The following GBF1 variants were observed in gnomAD, a reference collection of about 807,000 sequenced individuals.
GBF1 encodes the protein golgi brefeldin A resistant guanine nucleotide exchange factor 1.
GBF1 carries 114 observed loss-of-function variants against 210.5 expected under a neutral mutation model. The observed-to-expected ratio is 0.54, with a 90% CI of 0.47 to 0.63. The LOEUF (loss-of-function observed/expected upper bound fraction) is 0.63. GBF1 is among the 30% of genes least tolerant of loss of function. The probability of loss-of-function intolerance (pLI) is 0.00; values close to 1 mark genes in which losing one functional copy is unlikely to be tolerated. For missense variants in GBF1, 1,851 were observed against 2,357.7 expected, an observed-to-expected ratio of 0.79 and a Z score of 4.45; for synonymous variants, 850 against 889.2, an observed-to-expected ratio of 0.96 and a Z score of 0.78.
chr10:102,272,684 A>G (rs1362438844), intron 3 of GBF1, among the ~76,000 whole-genome samples: 1 of 152,212 alleles, frequency 6.6e-6, no homozygotes, highest in African/African-American at 2.4e-5. Flanking sequence ...GTAAAGAACT[A>G]TTTTCCCTCA....
chr10:102,305,175 TTGTGTG>T (rs60026956), intron 3 of GBF1, among the ~76,000 whole-genome samples: 15,581 of 139,490 alleles, frequency 0.11, 910 homozygotes, highest in East Asian at 0.2. Context: ...ATATGCAGAT[TTGTGTG>T]TGTGTGTGTG....
In GBF1 at chr10:102,382,142, AC is replaced by A; in HGVS notation, c.5394del (p.Asp1799ThrfsTer11). ...VASSPSRLSP[T>X]PDGPPPLAQP... is the part of the protein sequence containing the mutation. ...CTCAAGCCCCAGCAGGCTGAGCCCC[AC>A]CCCCGACGGGCCTCCACCCTTGGCT... On this transcript the variant is annotated frameshift_variant, in exon 40 of 40. Transcript: ENST00000369983. LOFTEE classifies it high-confidence loss of function. 6.2e-7 allele frequency: 1 copy of A among 1,610,710 alleles called. No individual in the cohort carries two copies. Among genetic ancestry groups the A allele is most frequent in the Non-Finnish European group, 8.5e-7 (1 of 1,178,026 alleles).
chr10:102,256,798 C>T (rs1305557065), intron 1 of GBF1, among the ~76,000 whole-genome samples: 1 of 152,140 alleles, frequency 6.6e-6, no homozygotes, highest in African/African-American at 2.4e-5. Context: ...AGGCATGAGC[C>T]ACAGTGCCCG....
At chr10:102,381,331 G>A (rs2060833581) in intron 39 of GBF1, 76 bp downstream of exon 39, 30 of 1,484,602 alleles carry the variant, frequency 2.0e-5, no homozygotes, top group Non-Finnish European at 2.8e-5. Flanking sequence ...AGGGGGCGTG[G>A]GAATGCTGCT....
chr10:102,382,678 A>C lies in GBF1; in HGVS notation c.*342A>C. 4.1e-6 allele frequency: 1 copy of C among 242,842 alleles called. No individual in the cohort carries two copies. 15.0% of individuals were successfully genotyped at this position (242,842 alleles called of 1,614,324 possible). On this transcript the variant is annotated 3_prime_UTR_variant, in exon 40 of 40. Transcript: ENST00000369983. Reference sequence around the variant, plus strand: ...GGTCAGGCATTGAAAACTAAGCCCAACCACTCTGCACTTTGTTTCCCACTC... The same window carrying C: ...GGTCAGGCATTGAAAACTAAGCCCACCCACTCTGCACTTTGTTTCCCACTC...
At chr10:102,376,850 A>G (rs1436232124) in intron 32 of GBF1, 50 bp downstream of exon 32, 15 of 1,609,818 alleles carry the variant, frequency 9.3e-6, no homozygotes, top group Non-Finnish European at 1.2e-5. Flanking sequence ...GCAATTATGC[A>G]GGGGAGAGGC....
intron 3 of GBF1, among the ~76,000 whole-genome samples, chr10:102,342,856 A>C (rs929190116): frequency 2.6e-5 from 4 of 152,196 alleles, no homozygotes; most frequent in Admixed American, 6.6e-5. Flanking sequence ...GAGTAAGTAC[A>C]GTGTAGTATT....
Position 102,344,083 on chromosome 10 carries a change from C to T in GBF1, c.196C>T (p.Arg66Ter). ...AGAAATTGAGCCCAATGTATTCCTTCGACCTTTTCTGGAAGTGATTCGCTC... is the reference window on the plus strand; with the variant it reads ...AGAAATTGAGCCCAATGTATTCCTTTGACCTTTTCTGGAAGTGATTCGCTC... ...LSEIEPNVFL[R>*]PFLEVIRSED... The change falls in exon 4 of 40, where the codon CGA (arginine) becomes TGA (stop). Residue 66 changes from arginine to a stop codon, truncating the protein, a stop_gained. Transcript: ENST00000369983. LOFTEE classifies it high-confidence loss of function. 2 of 1,611,992 alleles carry T rather than the reference C, an allele frequency of 1.2e-6. No individual in the cohort carries two copies. Among genetic ancestry groups the T allele is most frequent in the Non-Finnish European group, 1.7e-6 (2 of 1,178,052 alleles).
At chr10:102,328,717 A>C (rs755891644) in intron 3 of GBF1, among the ~76,000 whole-genome samples, 1 of 152,124 alleles carries the variant, frequency 6.6e-6, no homozygotes, top group Non-Finnish European at 1.5e-5. Context: ...AGGAGCTTTG[A>C]CTATTATCTC....
At chr10:102,348,608 T>C (rs2058735943) in intron 4 of GBF1, among the ~76,000 whole-genome samples, 1 of 152,206 alleles carries the variant, frequency 6.6e-6, no homozygotes, top group Non-Finnish European at 1.5e-5. Context: ...TGGGATTTTT[T>C]TGTGCTGATC....
chr10:102,323,603 G>A (rs1201526467), intron 3 of GBF1, among the ~76,000 whole-genome samples: 2 of 147,444 alleles, frequency 1.4e-5, no homozygotes, highest in African/African-American at 5.0e-5. Flanking sequence ...TTTATGTGGA[G>A]AACGGGACCT....
chr10:102,379,690 C>T (rs2060722252), intron 35 of GBF1, 39 bp downstream of exon 35: 1 of 1,611,500 alleles, frequency 6.2e-7, no homozygotes, highest in Non-Finnish European at 8.5e-7. Flanking sequence ...AGTTCAAATC[C>T]TAAGAAAAGG....
chr10:102,358,540 C>A lies in GBF1; in HGVS notation c.822C>A (p.Ile274=). 1 of 1,613,958 alleles carries A rather than the reference C, an allele frequency of 6.2e-7. No individual in the cohort carries two copies. The highest frequency in any genetic ancestry group is 8.5e-7 in the Non-Finnish European group (1 of 1,179,800). Residue 274 remains isoleucine, a synonymous_variant, in exon 10 of 40, where the codon ATC becomes ATA. Transcript: ENST00000369983. The stretch of plus-strand genomic sequence containing the variant: ...CCTTCATTGATGTGCCCACTCCCAT[C>A]TCCTCTGCAAGTTCAGAAGCTGCCT... ...GMPFIDVPTP[I]SSASSEAASA... is the part of the protein sequence containing the mutation.
intron 3 of GBF1, among the ~76,000 whole-genome samples, chr10:102,335,146 G>A (rs1042725382): frequency 6.6e-6 from 1 of 152,144 alleles, no homozygotes; most frequent in African/African-American, 2.4e-5. Context: ...GTCACTGACT[G>A]TCCAGAAATT....
intron 3 of GBF1, among the ~76,000 whole-genome samples, chr10:102,277,424 C>T (rs1333565485): frequency 6.8e-6 from 1 of 147,006 alleles, no homozygotes; most frequent in East Asian, 2.0e-4. Flanking sequence ...CAGTCTCGCT[C>T]TGTCACCCAG....
At chr10:102,371,677 T>TC (rs1477313057) in intron 29 of GBF1, among the ~76,000 whole-genome samples, 4 of 152,156 alleles carry the variant, frequency 2.6e-5, no homozygotes, top group African/African-American at 9.7e-5. Context: ...GCCTGTAATC[T>TC]CAGCACTGCG....
In GBF1 at chr10:102,362,517, C is replaced by G; in HGVS notation, c.1729C>G (p.Leu577Val). 6.2e-7 allele frequency: 1 copy of G among 1,613,956 alleles called. No homozygotes were observed. Among genetic ancestry groups the G allele is most frequent in the East Asian group, 2.2e-5 (1 of 44,892 alleles). Residue 577 changes from leucine (L) to valine (V), a missense_variant, in exon 15 of 40, where the codon CTA becomes GTA. By Grantham distance (32) the Leu-to-Val change is conservative. Around this residue, in one of 3 missense-constraint regions of GBF1, gnomAD observed 804 missense variants for 958.6 expected, o/e 0.84. Coordinates refer to ENST00000369983, the MANE Select transcript of GBF1 (RefSeq NM_001377137.1). ...TGGTCAACTCTATACAACACACCTA[C>G]TATCTCTTGATGCCCTATTGACAGT... ...VSGQLYTTHL[L>V]SLDALLTVID...
intron 3 of GBF1, among the ~76,000 whole-genome samples, chr10:102,334,772 C>T (rs537430280): frequency 6.6e-5 from 10 of 151,712 alleles, no homozygotes; most frequent in East Asian, 2.0e-4. Context: ...TTGCTTGAAC[C>T]GGAGAGGCGG....
chr10:102,236,231 T>C, the GBF1 span, among the ~76,000 whole-genome samples: 20 of 152,118 alleles, frequency 1.3e-4, no homozygotes, highest in African/African-American at 4.3e-4. Context: ...AGCTAGGGAG[T>C]TGGGACTGAG....
Sources: gnomAD v4.1 joint callset for allele counts (sites outside exome capture counted in the v4.1 genomes callset) on GRCh38, gnomAD v4.1.1 for gene constraint, gnomAD v4.1.1 regional missense constraint, MANE v1.5 for transcripts, NCBI Gene and HGNC (gene_info 2026-07-23, HGNC 2026-07-21) for gene names.